The following RSRC1 variants were observed in gnomAD, a reference collection of about 807,000 sequenced individuals.
RSRC1 encodes the protein arginine and serine rich coiled-coil 1, also known as serine/Arginine-related protein 53.
In RSRC1, 39 loss-of-function variants were observed where a neutral mutation model predicts 49.1. That is an observed-to-expected ratio of 0.79 (90% CI 0.61 to 1.04). RSRC1 has a LOEUF of 1.04. Ranked by LOEUF, RSRC1 falls within the 50% of genes least tolerant of loss-of-function variation. RSRC1 has a pLI of 0.00. For missense variants in RSRC1, 388 were observed against 402.4 expected (o/e 0.96, Z 0.31); for synonymous variants, 143 against 130.8 (o/e 1.09, Z -0.63).
chr3:158,170,029 T>G (rs1559927554), intron 3 of RSRC1, among the ~76,000 whole-genome samples: 1 of 152,172 alleles, frequency 6.6e-6, no homozygotes, highest in Non-Finnish European at 1.5e-5. Flanking sequence ...TTGATCTTCT[T>G]TAGAATTGAT....
intron 4 of RSRC1, chr3:158,276,454 A>C (rs975212832): frequency 1.5e-6 from 1 of 680,270 alleles, no homozygotes; most frequent in Admixed American, 2.3e-5. Context: ...GCCAGACAGA[A>C]AGGCGCCAAG....
chr3:158,363,294 T>G (rs560150321), intron 6 of RSRC1, among the ~76,000 whole-genome samples: 201 of 151,372 alleles, frequency 1.3e-3, no homozygotes, highest in African/African-American at 4.6e-3. Context: ...GACATAGTCT[T>G]GCTCTGTCAC....
intron 6 of RSRC1, among the ~76,000 whole-genome samples, chr3:158,459,941 T>C (rs1737529569): frequency 6.6e-6 from 1 of 151,914 alleles, no homozygotes; most frequent in Admixed American, 6.6e-5. Context: ...ATTTCCCCTT[T>C]AAGCCAGTCA....
intron 3 of RSRC1, among the ~76,000 whole-genome samples, chr3:158,190,849 G>C (rs1310863416): frequency 1.3e-5 from 2 of 151,994 alleles, no homozygotes; most frequent in Admixed American, 1.3e-4. Context: ...TGGATGGACT[G>C]AAGATTTCGT....
At chr3:158,405,557 G>C (rs1012854544) in intron 6 of RSRC1, among the ~76,000 whole-genome samples, 1 of 152,088 alleles carries the variant, frequency 6.6e-6, no homozygotes, top group African/African-American at 2.4e-5. Flanking sequence ...TTCTTTTAAA[G>C]AGATTTTCAA....
intron 4 of RSRC1, among the ~76,000 whole-genome samples, chr3:158,251,567 A>G (rs778823755): frequency 3.9e-5 from 6 of 152,044 alleles, no homozygotes; most frequent in Non-Finnish European, 8.8e-5. Context: ...ATTTAATTTT[A>G]TTTGTGGCTA....
intron 4 of RSRC1, among the ~76,000 whole-genome samples, chr3:158,206,628 C>T (rs73874331): frequency 0.077 from 11,672 of 152,078 alleles, 546 homozygotes; most frequent in South Asian, 0.13. Flanking sequence ...AAAAGATAAG[C>T]ATCGGCCAGG....
chr3:158,359,679 G>T (rs1057398571), intron 6 of RSRC1, among the ~76,000 whole-genome samples: 2 of 152,166 alleles, frequency 1.3e-5, no homozygotes, highest in African/African-American at 4.8e-5. Context: ...GAGCTTCCAG[G>T]TCTGAGCTCC....
chr3:158,173,870 A>C (rs1719028868), intron 3 of RSRC1, among the ~76,000 whole-genome samples: 1 of 151,964 alleles, frequency 6.6e-6, no homozygotes, highest in African/African-American at 2.4e-5. Flanking sequence ...CACATACTGT[A>C]CCATTCTATT....
chr3:158,204,580 T>C (rs955572284), intron 4 of RSRC1, among the ~76,000 whole-genome samples: 6 of 152,180 alleles, frequency 3.9e-5, no homozygotes, highest in Non-Finnish European at 8.8e-5. Context: ...GGAAAATCTC[T>C]TGGTAACGGG....
At chr3:158,196,013 A>C (rs571145580) in intron 3 of RSRC1, among the ~76,000 whole-genome samples, 2 of 152,198 alleles carry the variant, frequency 1.3e-5, no homozygotes, top group Non-Finnish European at 2.9e-5. Flanking sequence ...GCTTTAAAGT[A>C]GTTTTTTTCA....
chr3:158,189,757 A>T (rs1045819489), intron 3 of RSRC1, among the ~76,000 whole-genome samples: 9 of 151,914 alleles, frequency 5.9e-5, no homozygotes, highest in African/African-American at 2.2e-4. Context: ...ATTTGGATTT[A>T]ATTCTACCAT....
At chr3:158,427,152 A>G (rs1225587542) in intron 6 of RSRC1, among the ~76,000 whole-genome samples, 1 of 151,634 alleles carries the variant, frequency 6.6e-6, no homozygotes, top group Non-Finnish European at 1.5e-5. Flanking sequence ...AGCCCTTATT[A>G]AGCTGGAATC....
intron 5 of RSRC1, among the ~76,000 whole-genome samples, chr3:158,350,024 G>A (rs561005267): frequency 6.6e-6 from 1 of 151,648 alleles, no homozygotes; most frequent in South Asian, 2.1e-4. Context: ...TTCTATTAAT[G>A]TCAACACTAC....
intron 7 of RSRC1, among the ~76,000 whole-genome samples, chr3:158,533,168 A>G (rs1712499000): frequency 6.6e-6 from 1 of 151,806 alleles, no homozygotes; most frequent in African/African-American, 2.4e-5. Flanking sequence ...TTTTCATACA[A>G]TAGAGCTGAG....
At chr3:158,280,449 A>G (rs1036971515) in intron 4 of RSRC1, among the ~76,000 whole-genome samples, 1 of 152,132 alleles carries the variant, frequency 6.6e-6, no homozygotes, top group Non-Finnish European at 1.5e-5. Context: ...TAAGCTCCAC[A>G]TGACCTGGTA....
intron 6 of RSRC1, among the ~76,000 whole-genome samples, chr3:158,367,676 T>G (rs1018318045): frequency 1.3e-5 from 2 of 151,912 alleles, no homozygotes; most frequent in African/African-American, 4.8e-5. Context: ...TGGGGAGGAG[T>G]CCCTCTTTTT....
At chr3:158,302,565 TTTTTTTTTTTTTAA>T (rs1727617246) in intron 5 of RSRC1, 3 of 150,912 alleles carry the variant, frequency 2.0e-5, no homozygotes, top group Admixed American at 2.0e-4. Context: ...CTGACTTTTT[TTTTTTTTTTTTTAA>T]TGCTGCTCTA....
chr3:158,372,900 C>T (rs997921563), intron 6 of RSRC1, among the ~76,000 whole-genome samples: 1 of 151,772 alleles, frequency 6.6e-6, no homozygotes, highest in Non-Finnish European at 1.5e-5. Flanking sequence ...CCAGCACATA[C>T]ATCTTGCATG....
Sources: allele counts gnomAD v4.1 joint callset (sites outside exome capture counted in the v4.1 genomes callset), GRCh38; gene constraint gnomAD v4.1.1; transcripts MANE v1.5; gene names NCBI Gene and HGNC (gene_info 2026-07-23, HGNC 2026-07-21).